Variants in GPER1 observed in about 807,000 individuals in gnomAD.
The protein encoded by GPER1 is G protein-coupled estrogen receptor 1.
In GPER1, 2 loss-of-function variants were observed where a neutral mutation model predicts 0.6. The observed-to-expected ratio is 3.41, with a 90% CI of 1.39 to 10.72. The LOEUF is 10.72. Ranked by LOEUF, GPER1 falls within the 30% of genes most tolerant of loss-of-function variation. The pLI, the probability that GPER1 is intolerant of heterozygous loss-of-function variation, is 0.04. For missense variants in GPER1, 441 were observed against 535.2 expected (o/e 0.82, Z 1.74); for synonymous variants, 263 against 247.6 (o/e 1.06, Z -0.58).
chr7:1,093,053 T>G lies in GPER1; in HGVS notation c.*197T>G. On this transcript the variant is annotated 3_prime_UTR_variant, in exon 2 of 2. Coordinates refer to ENST00000397088, the MANE Select transcript of GPER1 (RefSeq NM_001098201.3). ...AACCTCACGACTGGTCACCTTGCAC[T>G]CCTCACACAGAATTGCTACAATCCC... is the stretch of plus-strand genomic sequence containing the variant. 2.8e-6 allele frequency: 2 copies of G among 711,630 alleles called. No individual in the cohort carries two copies. The highest frequency in any genetic ancestry group is 5.2e-6 in the Non-Finnish European group (2 of 384,732). 44.1% of individuals were successfully genotyped at this position (711,630 alleles called of 1,614,324 possible).
In GPER1 at chr7:1,092,464, C is replaced by A. The variant is rs371278172; in HGVS notation, c.736C>A (p.Arg246=). Residue 246 remains arginine, a synonymous_variant, in exon 2 of 2, where the codon CGG becomes AGG. Coordinates refer to ENST00000397088, the MANE Select transcript of GPER1 (RefSeq NM_001098201.3). ...TGTCCGGGTGCTGGTCAGGGCGCAC[C>A]GGCACCGTGGGCTGCGGCCCCGGCG... The part of the protein sequence containing the change: ...LIVRVLVRAH[R]HRGLRPRRQK... 1 of 1,608,028 alleles carries A rather than the reference C, an allele frequency of 6.2e-7. No homozygotes were observed. The highest frequency in any genetic ancestry group is 1.1e-5 in the South Asian group (1 of 90,978).
rs1787634960 is a variant in GPER1 at position 1,088,663 on chromosome 7, A to T, written c.-323+342A>T. ...ACTCTGCCCTGCCCTGCGGTGCCCC[A>T]GTCACTCTCACCAACCCTGAAGCCC... is the stretch of plus-strand genomic sequence containing the variant. On this transcript the variant is annotated intron_variant, in intron 1 of 1. Coordinates refer to ENST00000397088, the MANE Select transcript of GPER1 (RefSeq NM_001098201.3). The surrounding 1 kb of genome is among the most constrained non-coding windows in gnomAD (Gnocchi z 4.5). 1.3e-5 allele frequency among the ~76,000 whole-genome samples: 2 copies of T among 152,212 alleles called. No individual in the cohort carries two copies. Among genetic ancestry groups the T allele is most frequent in the South Asian group, 4.1e-4 (2 of 4,828 alleles).
At chr7:1,090,415 G>A (rs866128223) in intron 1 of GPER1, among the ~76,000 whole-genome samples, 16 of 148,208 alleles carry the variant, frequency 1.1e-4, no homozygotes, top group South Asian at 4.3e-4. Context: ...CGGCAGAGCC[G>A]GGGTGACACG....
At chr7:1,089,945 G>A (rs541542329) in intron 1 of GPER1, among the ~76,000 whole-genome samples, 3 of 151,618 alleles carry the variant, frequency 2.0e-5, no homozygotes, top group Non-Finnish European at 4.4e-5. Flanking sequence ...TTAGCCAGGC[G>A]TGGTGGTGCA....
intron 1 of GPER1, among the ~76,000 whole-genome samples, chr7:1,090,599 C>T (rs1279194873): frequency 5.4e-5 from 8 of 147,798 alleles, no homozygotes; most frequent in Non-Finnish European, 8.9e-5. Flanking sequence ...TCTCCACTGG[C>T]GGCAGAGCCA....
intron 1 of GPER1, among the ~76,000 whole-genome samples, chr7:1,089,138 G>GT (rs1464858226): frequency 6.6e-6 from 1 of 152,136 alleles, no homozygotes; most frequent in Non-Finnish European, 1.5e-5. Flanking sequence ...CCTCTGTGCC[G>GT]TTTTTAAGAA....
chr7:1,093,430 T>C lies in GPER1; in HGVS notation c.*574T>C, dbSNP rs1437275908. 1 of 463,128 alleles carries C rather than the reference T, an allele frequency of 2.2e-6. No individual in the cohort carries two copies. Among genetic ancestry groups the C allele is most frequent in the Non-Finnish European group, 4.5e-6 (1 of 221,736 alleles). The allele number at this position is 463,128 out of a possible 1,614,324, so 28.7% of individuals were successfully genotyped here. A position where few individuals can be genotyped will look rare whatever the true frequency, so the allele number is the denominator to read the frequency against. ...TGCTGCTCTGGTGCACGCCTGAGCG[T>C]CCTCCATCTTCCAGGATGGCAGCAA... is the stretch of plus-strand genomic sequence containing the variant. On this transcript the variant is annotated 3_prime_UTR_variant, in exon 2 of 2. Coordinates refer to ENST00000397088, the MANE Select transcript of GPER1 (RefSeq NM_001098201.3).
Position 1,092,136 on chromosome 7 carries a change from C to T in GPER1, c.408C>T (p.Phe136=). ...TCCTGTGCACCTTCATGTCGCTCTT[C>T]CTGCAGGTCAACATGTACAGCAGCG... ...IAVLCTFMSL[F]LQVNMYSSVF... The change falls in exon 2 of 2, where the codon TTC becomes TTT. Residue 136 remains phenylalanine (F), a synonymous_variant. Coordinates refer to ENST00000397088, the MANE Select transcript of GPER1 (RefSeq NM_001098201.3). 5.0e-6 allele frequency: 8 copies of T among 1,613,712 alleles called. No individual in the cohort carries two copies. The highest frequency in any genetic ancestry group is 6.8e-6 in the Non-Finnish European group (8 of 1,180,006).
In GPER1 at chr7:1,092,451, G is replaced by C. The variant is rs747766901; in HGVS notation, c.723G>C (p.Leu241=). 6.2e-7 allele frequency: 1 copy of C among 1,608,224 alleles called. No individual in the cohort carries two copies. Among genetic ancestry groups the C allele is most frequent in the Non-Finnish European group, 8.5e-7 (1 of 1,179,168 alleles). Residue 241 remains leucine, a synonymous_variant, in exon 2 of 2, where the codon CTG becomes CTC. Transcript: ENST00000397088. The stretch of plus-strand genomic sequence containing the variant: ...GCTACTCCCTCATTGTCCGGGTGCT[G>C]GTCAGGGCGCACCGGCACCGTGGGC... The part of the protein sequence containing the change: ...GLCYSLIVRV[L]VRAHRHRGLR...
At position 1,093,336 on chromosome 7, in the gene GPER1, G is replaced by A. The variant is rs3808353; in HGVS notation, c.*480G>A. ...CTGGTGGGTCTGAGCTGGACGTCGC[G>A]GTGTGTCCTCTGTGCCCACGGTCTG... On this transcript the variant is annotated 3_prime_UTR_variant, in exon 2 of 2. Transcript: ENST00000397088. The A allele has an allele frequency of 0.18, 74,322 of 421,264 alleles. 7,055 individuals carry two copies. The highest frequency in any genetic ancestry group is 0.2 in the Admixed American group (7,887 of 38,728). The allele number at this position is 421,264 out of a possible 1,614,324, so 26.1% of individuals were successfully genotyped here. A position where few individuals can be genotyped will look rare whatever the true frequency, so the allele number is the denominator to read the frequency against.
Position 1,088,141 on chromosome 7 carries a change from A to T in GPER1, c.-503A>T, listed in dbSNP as rs1026098137. The T allele has an allele frequency of 6.6e-6, 1 of 152,318 alleles. No individual in the cohort carries two copies. The highest frequency in any genetic ancestry group is 2.4e-5 in the African/African-American group (1 of 41,470). 9.4% of individuals were successfully genotyped at this position (152,318 alleles called of 1,614,324 possible). ...GGCTCAGAGGGAGGACGCACCCGCC[A>T]GCCAGCCGGGAACCTTCCCTCGCGG... On this transcript the variant is annotated 5_prime_UTR_variant, in exon 1 of 2. Transcript: ENST00000397088. This position sits in a 1 kb window ranked among gnomAD's most constrained non-coding sequence, Gnocchi z 4.5.
chr7:1,088,426 C>A lies in GPER1; in HGVS notation c.-323+105C>A. On this transcript the variant is annotated intron_variant, in intron 1 of 1. Transcript: ENST00000397088. This position sits in a 1 kb window ranked among gnomAD's most constrained non-coding sequence, Gnocchi z 4.5. The stretch of plus-strand genomic sequence containing the variant: ...TGTTATGGGAACAGCTGAACACAGA[C>A]CAGACACCTCACCCCCTGGTGAGAG... 1 of 152,308 alleles carries A rather than the reference C, an allele frequency of 6.6e-6. No homozygotes were observed. The allele number at this position is 152,308 out of a possible 1,614,324, so 9.4% of individuals were successfully genotyped here. A position where few individuals can be genotyped will look rare whatever the true frequency, so the allele number is the denominator to read the frequency against.
At chr7:1,090,658 C>G (rs566580260) in intron 1 of GPER1, among the ~76,000 whole-genome samples, 1 of 152,098 alleles carries the variant, frequency 6.6e-6, no homozygotes, top group South Asian at 2.1e-4. Context: ...CGGCAGAGCC[C>G]GGGCACCGCC....
rs530277541 is a variant in GPER1, at chr7:1,091,571, C to A, written c.-158C>A. 14 of 663,488 alleles carry A rather than the reference C, an allele frequency of 2.1e-5. No homozygotes were observed. The South Asian group carries it at 2.6e-4, about 12-fold the overall frequency. 41.1% of individuals were successfully genotyped at this position (663,488 alleles called of 1,614,324 possible). A position where few individuals can be genotyped will look rare whatever the true frequency, so the allele number is the denominator to read the frequency against. On this transcript the variant is annotated 5_prime_UTR_variant, in exon 2 of 2. Transcript: ENST00000397088. ...CTCTCTGCAGTTAACAAACCCAACCCAAACCACCACAGGTGCTCCTCCTGG... is the reference window on the plus strand; with the variant it reads ...CTCTCTGCAGTTAACAAACCCAACCAAAACCACCACAGGTGCTCCTCCTGG...
rs181756759 is a variant in GPER1 at position 1,092,777 on chromosome 7, G to A, written c.1049G>A (p.Arg350His). Residue 350 changes from arginine to histidine, a missense_variant, in exon 2 of 2, where the codon CGC becomes CAC. Transcript: ENST00000397088. ...AAAACAAATTTGCCGGCCCTGAACC[G>A]CTTCTGTCACGCTGCCCTGAAGGCC... ...EQKTNLPALN[R>H]FCHAALKAVI... The A allele has an allele frequency of 7.5e-5, 121 of 1,613,594 alleles. No individual in the cohort carries two copies. The highest frequency in any genetic ancestry group is 3.3e-4 in the East Asian group (15 of 44,880).
Position 1,093,295 on chromosome 7 carries a change from C to A in GPER1, c.*439C>A. On this transcript the variant is annotated 3_prime_UTR_variant, in exon 2 of 2. Transcript: ENST00000397088. ...ATCTGCCACCGTGGGGGAACTGACG[C>A]TGGAGATGCAAGGTGCTGGTGGGTC... 1 of 429,516 alleles carries A rather than the reference C, an allele frequency of 2.3e-6. No homozygotes were observed. The highest frequency in any genetic ancestry group is 1.8e-5 in the South Asian group (1 of 56,398). 26.6% of individuals were successfully genotyped at this position (429,516 alleles called of 1,614,324 possible).
chr7:1,093,388 AGAG>A lies in GPER1; in HGVS notation c.*536_*538del, dbSNP rs767245027. On this transcript the variant is annotated 3_prime_UTR_variant, in exon 2 of 2. Coordinates refer to ENST00000397088, the MANE Select transcript of GPER1 (RefSeq NM_001098201.3). Reference sequence around the variant, plus strand: ...GCTAGCTAGCGCACCGCCGAGTTAAAGAGGAGAAGGAAAACATGCTGCTCTGGT... The same window carrying A: ...GCTAGCTAGCGCACCGCCGAGTTAAAGAGAAGGAAAACATGCTGCTCTGGT... The A allele has an allele frequency of 1.8e-5, 8 of 445,838 alleles. No homozygotes were observed. The highest frequency in any genetic ancestry group is 1.2e-4 in the African/African-American group (6 of 49,508). The allele number at this position is 445,838 out of a possible 1,614,324, so 27.6% of individuals were successfully genotyped here.
chr7:1,091,902 C>T lies in GPER1; in HGVS notation c.174C>T (p.Gly58=). Residue 58 remains glycine, a synonymous_variant, in exon 2 of 2, where the codon GGC becomes GGT. Coordinates refer to ENST00000397088, the MANE Select transcript of GPER1 (RefSeq NM_001098201.3). ...ELSEHQQYVI[G]LFLSCLYTIF... ...CGGAGCACCAGCAGTACGTGATCGGCCTGTTCCTCTCGTGCCTCTACACCA... is the reference window on the plus strand; with the variant it reads ...CGGAGCACCAGCAGTACGTGATCGGTCTGTTCCTCTCGTGCCTCTACACCA... 1 of 1,614,056 alleles carries T rather than the reference C, an allele frequency of 6.2e-7. No homozygotes were observed. Among genetic ancestry groups the T allele is most frequent in the Non-Finnish European group, 8.5e-7 (1 of 1,179,968 alleles).
chr7:1,092,080 AACCTGC>A lies in GPER1; in HGVS notation c.355_360del (p.Leu119_His120del). The A allele has an allele frequency of 6.2e-7, 1 of 1,613,968 alleles. No individual in the cohort carries two copies. The highest frequency in any genetic ancestry group is 1.3e-5 in the African/African-American group (1 of 75,038). The stretch of plus-strand genomic sequence containing the variant: ...GGCCGACTCCCTCATTGAGGTGTTC[AACCTGC>A]ACGAGCGGTACTACGACATCGCCGT... On this transcript the variant is annotated inframe_deletion, in exon 2 of 2. Transcript: ENST00000397088.
Sources: gnomAD v4.1 joint callset for allele counts (sites outside exome capture counted in the v4.1 genomes callset) on GRCh38, gnomAD v4.1.1 for gene constraint, Gnocchi (gnomAD v3.1) non-coding constraint, MANE v1.5 for transcripts, NCBI Gene and HGNC (gene_info 2026-07-23, HGNC 2026-07-21) for gene names.